Variants in SPATS2L observed in about 807,000 individuals in gnomAD.
SPATS2L encodes spermatogenesis associated serine rich 2 like.
In SPATS2L, 30 loss-of-function variants were observed where a neutral mutation model predicts 59.6. That is an observed-to-expected ratio of 0.50 (90% CI 0.38 to 0.68). SPATS2L has a LOEUF of 0.68. Ranked by LOEUF, SPATS2L falls within the 30% of genes least tolerant of loss-of-function variation. SPATS2L has a pLI of 0.00. For missense variants in SPATS2L, 615 were observed against 700.0 expected (o/e 0.88, Z 1.37); for synonymous variants, 252 against 263.5 (o/e 0.96, Z 0.42).
At chr2:200,444,088 C>G (rs572462971) in intron 8 of SPATS2L, among the ~76,000 whole-genome samples, 1 of 152,116 alleles carries the variant, frequency 6.6e-6, no homozygotes, top group Non-Finnish European at 1.5e-5. Context: ...ATAAATTTTG[C>G]GACATGAGCA....
intron 2 of SPATS2L, among the ~76,000 whole-genome samples, chr2:200,355,497 A>G (rs1337064755): frequency 6.6e-6 from 1 of 152,226 alleles, no homozygotes; most frequent in Non-Finnish European, 1.5e-5. Flanking sequence ...CACACACACA[A>G]ACACACAAAT....
intron 9 of SPATS2L, among the ~76,000 whole-genome samples, chr2:200,465,986 CAT>C (rs2086572364): frequency 6.6e-6 from 1 of 152,152 alleles, no homozygotes; most frequent in Non-Finnish European, 1.5e-5. Flanking sequence ...GAGCCGAGAT[CAT>C]GCCACGGCAC....
chr2:200,421,729 T>C (rs1425796014), intron 6 of SPATS2L, among the ~76,000 whole-genome samples: 1 of 152,224 alleles, frequency 6.6e-6, no homozygotes, highest in Non-Finnish European at 1.5e-5. Flanking sequence ...TTTTTTTAAT[T>C]CAATTTTCAC....
intron 12 of SPATS2L, 21 bp downstream of exon 12, chr2:200,473,073 G>T (rs755408779): frequency 1.9e-6 from 3 of 1,548,962 alleles, no homozygotes; most frequent in Non-Finnish European, 1.7e-6. Flanking sequence ...ACTGGTGCAG[G>T]GTGCCAGAGG....
At chr2:200,329,878 C>T (rs1414916129) in intron 2 of SPATS2L, among the ~76,000 whole-genome samples, 1 of 151,902 alleles carries the variant, frequency 6.6e-6, no homozygotes, top group Non-Finnish European at 1.5e-5. Context: ...GCCTGGCTTT[C>T]CCTCCTCACA....
intron 2 of SPATS2L, among the ~76,000 whole-genome samples, chr2:200,333,121 A>AC (rs1312770103): frequency 6.6e-6 from 1 of 151,040 alleles, no homozygotes; most frequent in Non-Finnish European, 1.5e-5. Context: ...TTCTACAAAT[A>AC]CAAAAAAAAA....
chr2:200,336,437 A>G (rs1313012884), intron 2 of SPATS2L, among the ~76,000 whole-genome samples: 1 of 152,240 alleles, frequency 6.6e-6, no homozygotes, highest in Admixed American at 6.5e-5. Context: ...AAATGTGAGT[A>G]GAAAATAACT....
chr2:200,353,596 A>G (rs1160572710), intron 2 of SPATS2L, among the ~76,000 whole-genome samples: 1 of 152,128 alleles, frequency 6.6e-6, no homozygotes, highest in Non-Finnish European at 1.5e-5. Flanking sequence ...CAAAATTTTC[A>G]AACTTTGAAT....
intron 3 of SPATS2L, among the ~76,000 whole-genome samples, chr2:200,393,794 A>C (rs1277957870): frequency 6.6e-6 from 1 of 152,240 alleles, no homozygotes; most frequent in African/African-American, 2.4e-5. Flanking sequence ...TAAGAATAAC[A>C]ACTGTTATGT....
intron 3 of SPATS2L, among the ~76,000 whole-genome samples, chr2:200,398,553 A>G (rs1309091639): frequency 2.0e-5 from 3 of 152,206 alleles, no homozygotes; most frequent in East Asian, 1.9e-4. Context: ...GTTTCAAACC[A>G]CATTATAAAG....
intron 2 of SPATS2L, among the ~76,000 whole-genome samples, chr2:200,330,749 T>C (rs896349123): frequency 1.3e-5 from 2 of 152,242 alleles, no homozygotes; most frequent in Admixed American, 1.3e-4. Flanking sequence ...GATGTACCAA[T>C]TGAAAACAAT....
chr2:200,456,511 T>C (rs983838565), intron 8 of SPATS2L, among the ~76,000 whole-genome samples: 1 of 152,244 alleles, frequency 6.6e-6, no homozygotes, highest in African/African-American at 2.4e-5. Flanking sequence ...GTTTAATATG[T>C]GTTAGACCCG....
chr2:200,441,363 ATC>A (rs1480453661), intron 8 of SPATS2L, among the ~76,000 whole-genome samples: 36 of 152,324 alleles, frequency 2.4e-4, no homozygotes, highest in African/African-American at 7.9e-4. Context: ...GAAATGATAT[ATC>A]TGTTAATAAA....
chr2:200,436,726 C>A (rs1010048342), intron 6 of SPATS2L, among the ~76,000 whole-genome samples: 2 of 152,130 alleles, frequency 1.3e-5, no homozygotes, highest in Non-Finnish European at 1.5e-5. Context: ...TAGTATAAAT[C>A]CCCTTATTTT....
chr2:200,395,966 A>C (rs2082315615), intron 3 of SPATS2L, among the ~76,000 whole-genome samples: 1 of 136,942 alleles, frequency 7.3e-6, no homozygotes, highest in South Asian at 2.6e-4. Context: ...AGTGGAGAGC[A>C]TGCTACTTCA....
At chr2:200,312,941 T>C (rs2079241587) in intron 1 of SPATS2L, among the ~76,000 whole-genome samples, 1 of 152,204 alleles carries the variant, frequency 6.6e-6, no homozygotes, top group African/African-American at 2.4e-5. Flanking sequence ...TTATCACTTA[T>C]TGATCATTTT....
chr2:200,461,142 G>A (rs545645400), intron 9 of SPATS2L: 1 of 152,190 alleles, frequency 6.6e-6, no homozygotes, highest in South Asian at 2.1e-4. Flanking sequence ...CTCCAGTTCT[G>A]TTCATGAACT....
intron 2 of SPATS2L, among the ~76,000 whole-genome samples, chr2:200,355,631 G>A (rs989529445): frequency 6.6e-6 from 1 of 152,184 alleles, no homozygotes; most frequent in Non-Finnish European, 1.5e-5. Flanking sequence ...TTTGAGTTGC[G>A]GAAAGCAGGA....
chr2:200,344,721 G>A (rs931805154), intron 2 of SPATS2L, among the ~76,000 whole-genome samples: 1 of 152,012 alleles, frequency 6.6e-6, no homozygotes, highest in Admixed American at 6.5e-5. Context: ...CTGCAACTTT[G>A]CCAGGATCTG....
Sources: allele counts gnomAD v4.1 joint callset (sites outside exome capture counted in the v4.1 genomes callset), GRCh38; gene constraint gnomAD v4.1.1; transcripts MANE v1.5; gene names NCBI Gene and HGNC (gene_info 2026-07-23, HGNC 2026-07-21).